The following LRP5 variants were observed in gnomAD, a reference collection of about 807,000 sequenced individuals.
LRP5 encodes the protein LDL receptor related protein 5, also known as low-density lipoprotein receptor-related protein 5.
In LRP5, 62 loss-of-function variants were observed where a neutral mutation model predicts 154.1. The observed-to-expected ratio is 0.40, with a 90% CI of 0.33 to 0.50. LRP5 has a LOEUF of 0.50. Among genes scored for constraint, LRP5 ranks in the 20% least tolerant of loss-of-function variants. The pLI is 0.55. For synonymous variants in LRP5, 966 were observed against 1,011.5 expected (o/e 0.96, Z 0.85); for missense variants, 1,915 against 2,336.7 (o/e 0.82, Z 3.72).
chr11:68,419,278 G>T (rs1284156808), intron 13 of LRP5, among the ~76,000 whole-genome samples: 1 of 152,138 alleles, frequency 6.6e-6, no homozygotes, highest in Non-Finnish European at 1.5e-5. Flanking sequence ...CAGTGCCCAG[G>T]CTGGAGTGCA....
At chr11:68,384,437 G>A (rs1392090893) in intron 5 of LRP5, among the ~76,000 whole-genome samples, 1 of 152,180 alleles carries the variant, frequency 6.6e-6, no homozygotes, top group Non-Finnish European at 1.5e-5. Context: ...GCCACAGGAT[G>A]CTGGGAGGGG....
At chr11:68,432,306 A>G (rs372623033) in intron 17 of LRP5, among the ~76,000 whole-genome samples, 56 of 152,084 alleles carry the variant, frequency 3.7e-4, no homozygotes, top group African/African-American at 1.3e-3. Flanking sequence ...GTCGCCCTCA[A>G]CCTCCAGCCA....
At chr11:68,414,210 A>G (rs1477749185) in intron 12 of LRP5, among the ~76,000 whole-genome samples, 198 bp downstream of exon 12, 1 of 152,194 alleles carries the variant, frequency 6.6e-6, no homozygotes. Context: ...TCATCAGGAC[A>G]TAGATAAATG....
At chr11:68,388,400 C>T (rs1269588200) in intron 6 of LRP5, among the ~76,000 whole-genome samples, 6 of 152,036 alleles carry the variant, frequency 3.9e-5, no homozygotes, top group Non-Finnish European at 8.8e-5. Flanking sequence ...GTCTGAGGAT[C>T]CCAGGGACAT....
intron 1 of LRP5, among the ~76,000 whole-genome samples, chr11:68,324,023 G>A (rs1027982525): frequency 6.6e-6 from 1 of 152,254 alleles, no homozygotes; most frequent in African/African-American, 2.4e-5. Flanking sequence ...TGGTTACAAA[G>A]AGCGAGTGGT....
the LRP5 span, among the ~76,000 whole-genome samples, chr11:68,304,594 A>G: frequency 2.6e-5 from 4 of 152,264 alleles, no homozygotes; most frequent in Non-Finnish European, 4.4e-5. Flanking sequence ...CTGCACCTGG[A>G]AAAGCCGCAG....
At position 68,365,712 on chromosome 11, in the gene LRP5, TGGGAC is replaced by T. The variant is rs761661947; in HGVS notation, c.1015+19_1015+23del. On this transcript the variant is annotated intron_variant, in intron 5 of 22. Coordinates refer to ENST00000294304, the MANE Select transcript of LRP5 (RefSeq NM_002335.4). ...AGGACGTGTAAGGCAGGTGAGGCGG[TGGGAC>T]GGGACGGGGCGGGCGGGCGGGGCGG... 1.0e-4 allele frequency: 14 copies of T among 134,132 alleles called. No homozygotes were observed. The East Asian group carries it at 2.7e-3, about 26-fold the overall frequency. 8.3% of individuals were successfully genotyped at this position (134,132 alleles called of 1,614,324 possible).
At chr11:68,408,263 T>C (rs112252829) in intron 9 of LRP5, among the ~76,000 whole-genome samples, 1 of 146,432 alleles carries the variant, frequency 6.8e-6, no homozygotes, top group Non-Finnish European at 1.5e-5. Context: ...TTTTTTTTTT[T>C]TTTTGGGGAG....
In LRP5 at chr11:68,364,358, A is replaced by ATGTG. The variant is rs113821152; in HGVS notation, c.883+443_883+446dup. Among the ~76,000 whole-genome samples, 565 of 145,502 alleles carry ATGTG rather than the reference A, an allele frequency of 3.9e-3. 1 individual carries two copies. Among genetic ancestry groups the ATGTG allele is most frequent in the Middle Eastern group, 0.011 (3 of 280 alleles). On this transcript the variant is annotated intron_variant, in intron 4 of 22. Transcript: ENST00000294304. Reference sequence around the variant, plus strand: ...TATGGTTATTTATATATACATATATATGTGTGTGTGTGTGTGTGTGTGTGT... The same window carrying ATGTG: ...TATGGTTATTTATATATACATATATATGTGTGTGTGTGTGTGTGTGTGTGTGTGT...
At chr11:68,372,639 T>C (rs1011278452) in intron 5 of LRP5, among the ~76,000 whole-genome samples, 5 of 152,098 alleles carry the variant, frequency 3.3e-5, no homozygotes, top group African/African-American at 1.2e-4. Flanking sequence ...CCCCGCTCCA[T>C]GGGGTTTGGA....
chr11:68,359,010 A>G (rs530908680), intron 3 of LRP5, among the ~76,000 whole-genome samples: 1 of 152,326 alleles, frequency 6.6e-6, no homozygotes, highest in South Asian at 2.1e-4. Context: ...ACCCACATGA[A>G]CAGACTTGAG....
rs377000624 is a variant in LRP5, at chr11:68,437,018, C to T, written c.4111+19C>T. The T allele has an allele frequency of 1.5e-4, 233 of 1,605,942 alleles. 1 individual carries two copies. The East Asian group carries it at 1.7e-3, about 12-fold the overall frequency. On this transcript the variant is annotated intron_variant, in intron 19 of 22. Coordinates refer to ENST00000294304, the MANE Select transcript of LRP5 (RefSeq NM_002335.4). ...ATGTGTGGTGAGCCAGCTTCTGGCA[C>T]GGGGAAGGGGCGTCCGGGCTGGGTT...
chr11:68,387,381 C>G (rs2098643638), intron 6 of LRP5, among the ~76,000 whole-genome samples: 2 of 152,060 alleles, frequency 1.3e-5, no homozygotes, highest in Non-Finnish European at 2.9e-5. Context: ...TCCCAAAGTG[C>G]TGGGATTACA....
At chr11:68,388,484 G>T (rs1412214233) in intron 6 of LRP5, among the ~76,000 whole-genome samples, 2 of 152,214 alleles carry the variant, frequency 1.3e-5, no homozygotes, top group Admixed American at 6.5e-5. Context: ...AGGCAGAGGG[G>T]CTGGCCGGCT....
At chr11:68,385,776 G>A (rs957794196) in intron 5 of LRP5, among the ~76,000 whole-genome samples, 10 of 152,242 alleles carry the variant, frequency 6.6e-5, no homozygotes, top group East Asian at 1.9e-4. Flanking sequence ...GGAGCCCCCC[G>A]GCACGGTGCT....
Position 68,406,607 on chromosome 11 carries a change from A to G in LRP5, c.1885A>G (p.Ile629Val). The change falls in exon 9 of 23, where the codon ATC becomes GTC. Residue 629 changes from isoleucine to valine, a missense_variant. By Grantham distance (29) the Ile-to-Val change is conservative. Around this residue, in one of 3 missense-constraint regions of LRP5, gnomAD observed 773 missense variants for 1,100.9 expected, o/e 0.70. Transcript: ENST00000294304. ...CCACGCAACCCGGTGTGGCTGCCCCATCGGCCTGGAGCTGCTGAGTGACAT... is the reference window on the plus strand; with the variant it reads ...CCACGCAACCCGGTGTGGCTGCCCCGTCGGCCTGGAGCTGCTGAGTGACAT... The part of the protein sequence containing the change: ...TPHATRCGCP[I>V]GLELLSDMKT... 1 of 1,614,104 alleles carries G rather than the reference A, an allele frequency of 6.2e-7. No individual in the cohort carries two copies. The highest frequency in any genetic ancestry group is 1.3e-5 in the African/African-American group (1 of 75,042).
chr11:68,404,530 G>A, intron 8 of LRP5: 1 of 486,856 alleles, frequency 2.1e-6, no homozygotes, highest in Non-Finnish European at 4.1e-6. Context: ...AGAAAGCACA[G>A]CCCCGTGGAA....
Position 68,409,777 on chromosome 11 carries a change from G to A in LRP5, c.2092-137G>A, listed in dbSNP as rs149787603. The A allele has an allele frequency of 1.4e-3, 1,056 of 734,290 alleles. 7 individuals are homozygous for A. The African/African-American group carries it at 0.016, about 11-fold the overall frequency. 45.5% of individuals were successfully genotyped at this position (734,290 alleles called of 1,614,324 possible). A position where few individuals can be genotyped will look rare whatever the true frequency, so the allele number is the denominator to read the frequency against. ...AGGCTGGAGAATCGCTTGAACCCAGGGGGCAGAGGTTGCAGTGAGCCGAGA... is the reference window on the plus strand; with the variant it reads ...AGGCTGGAGAATCGCTTGAACCCAGAGGGCAGAGGTTGCAGTGAGCCGAGA... On this transcript the variant is annotated intron_variant, in intron 9 of 22. Transcript: ENST00000294304.
At chr11:68,380,880 C>G (rs1161989687) in intron 5 of LRP5, among the ~76,000 whole-genome samples, 1 of 152,240 alleles carries the variant, frequency 6.6e-6, no homozygotes, top group African/African-American at 2.4e-5. Flanking sequence ...CTCTTACCCT[C>G]TGCTCCCGGC....
Sources: gnomAD v4.1 joint callset for allele counts (sites outside exome capture counted in the v4.1 genomes callset) on GRCh38, gnomAD v4.1.1 for gene constraint, gnomAD v4.1.1 regional missense constraint, MANE v1.5 for transcripts, NCBI Gene and HGNC (gene_info 2026-07-23, HGNC 2026-07-21) for gene names.